EML2: variants seen among roughly 807,000 people sequenced by gnomAD.
EML2 encodes the protein EMAP like 2.
In EML2, 59 loss-of-function variants were observed where a neutral mutation model predicts 84.7. That is an observed-to-expected ratio of 0.70 (90% CI 0.56 to 0.86). EML2 has a LOEUF of 0.86. Among genes scored for constraint, EML2 ranks in the 40% least tolerant of loss-of-function variants. The probability of loss-of-function intolerance (pLI) is 0.00; values close to 1 mark genes in which losing one functional copy is unlikely to be tolerated. For synonymous variants in EML2, 352 were observed against 348.9 expected (o/e 1.01, Z -0.10); for missense variants, 818 against 855.6 (o/e 0.96, Z 0.55).
intron 1 of EML2, chr19:45,639,126 G>A (rs1405513201): frequency 4.5e-6 from 3 of 670,488 alleles, no homozygotes; most frequent in Non-Finnish European, 7.9e-6. Context: ...GATCCTGGAA[G>A]AAGGGAGTCA....
intron 3 of EML2, among the ~76,000 whole-genome samples, chr19:45,637,474 T>A (rs954997753): frequency 7.0e-6 from 1 of 142,108 alleles, no homozygotes; most frequent in African/African-American, 2.6e-5. Flanking sequence ...TTTTGGATTT[T>A]TTTTTTTTTT....
At chr19:45,635,489 A>C (rs1440203898) in intron 3 of EML2, among the ~76,000 whole-genome samples, 1 of 151,600 alleles carries the variant, frequency 6.6e-6, no homozygotes, top group Non-Finnish European at 1.5e-5. Context: ...AGACTCAACA[A>C]GGTCATTGGA....
At chr19:45,615,374 C>T (rs1970915603) in intron 16 of EML2, among the ~76,000 whole-genome samples, 1 of 149,368 alleles carries the variant, frequency 6.7e-6, no homozygotes, top group East Asian at 2.0e-4. Flanking sequence ...AAATATTAGC[C>T]GGGCATGGTG....
intron 15 of EML2, chr19:45,616,169 T>C: frequency 1.9e-6 from 1 of 513,102 alleles, no homozygotes; most frequent in Non-Finnish European, 3.5e-6. Flanking sequence ...TGGCTTTGAA[T>C]GTTGAGGGGC....
At chr19:45,616,040 T>C in intron 15 of EML2, 151 bp from the exon 16 acceptor site, 2 of 655,244 alleles carry the variant, frequency 3.1e-6, no homozygotes, top group Non-Finnish European at 2.8e-6. Context: ...CTTTGGAGTA[T>C]GGGGGCAGGG....
At chr19:45,634,770 C>A (rs548907650) in intron 3 of EML2, among the ~76,000 whole-genome samples, 1 of 151,872 alleles carries the variant, frequency 6.6e-6, no homozygotes, top group Non-Finnish European at 1.5e-5. Flanking sequence ...ACCATGTTAG[C>A]CAGGATGGTC....
chr19:45,637,524 G>C (rs1181311323), intron 3 of EML2, among the ~76,000 whole-genome samples: 2 of 145,878 alleles, frequency 1.4e-5, no homozygotes, highest in Admixed American at 6.9e-5. Flanking sequence ...TGTCGCCCAG[G>C]CTGGAGTGCA....
intron 7 of EML2, among the ~76,000 whole-genome samples, chr19:45,628,296 T>C (rs1005848810): frequency 6.9e-6 from 1 of 144,104 alleles, no homozygotes; most frequent in African/African-American, 2.6e-5. Flanking sequence ...TGAACCCAGG[T>C]GGTGGAGGTT....
chr19:45,629,257 G>T (rs1972739813), intron 7 of EML2, among the ~76,000 whole-genome samples: 1 of 151,822 alleles, frequency 6.6e-6, no homozygotes, highest in Admixed American at 6.6e-5. Context: ...AGCCTCCGAA[G>T]TAGCTGGGAC....
At chr19:45,616,325 T>G (rs915089922) in intron 15 of EML2, 136 bp downstream of exon 15, 15 of 642,900 alleles carry the variant, frequency 2.3e-5, no homozygotes, top group African/African-American at 5.5e-5. Flanking sequence ...TGTGTGGACG[T>G]GGCCAAGACT....
upstream of EML2, chr19:45,642,227 G>A: frequency 6.5e-7 from 1 of 1,535,542 alleles, no homozygotes; most frequent in Non-Finnish European, 8.7e-7. Context: ...GCCCGCAGGC[G>A]ACGCAGAGCA....
At chr19:45,625,999 C>T (rs1239138463) in intron 8 of EML2, among the ~76,000 whole-genome samples, 3 of 152,158 alleles carry the variant, frequency 2.0e-5, no homozygotes, top group African/African-American at 7.2e-5. Flanking sequence ...ACGTCAGCCT[C>T]CCAGGTAGCT....
intron 7 of EML2, 111 bp from the exon 8 acceptor site, chr19:45,626,950 C>A: frequency 1.1e-6 from 1 of 927,958 alleles, no homozygotes; most frequent in Non-Finnish European, 1.5e-6. Context: ...TGCTGCACAC[C>A]TGAACTTTTC....
At chr19:45,614,958 G>A (rs1346429920) in intron 16 of EML2, 1 of 385,234 alleles carries the variant, frequency 2.6e-6, no homozygotes, top group Admixed American at 3.9e-5. Flanking sequence ...GAGGCAGCAT[G>A]AGCCACAGCA....
chr19:45,638,255 C>A (rs1306689568), intron 3 of EML2, among the ~76,000 whole-genome samples: 1 of 152,242 alleles, frequency 6.6e-6, no homozygotes, highest in Non-Finnish European at 1.5e-5. Flanking sequence ...GAACCCATCT[C>A]TGTCAGACTC....
In EML2 at chr19:45,621,559, G is replaced by A. The variant is rs374907508; in HGVS notation, c.920C>T (p.Thr307Met). 18 of 1,612,636 alleles carry A rather than the reference G, an allele frequency of 1.1e-5. No homozygotes were observed. The highest frequency in any genetic ancestry group is 6.7e-5 in the African/African-American group (5 of 74,884). ...ATCACGGCCCCCTCCAGACACCAGC[G>A]TCCCGTCCCGCAGGGCGCAGAGCCC... ...VFGLCALRDG[T>M]LVSGGGRDRR... Residue 307 changes from threonine to methionine, a missense_variant, in exon 10 of 19, where the codon ACG becomes ATG. By Grantham distance (81) the Thr-to-Met change is moderately conservative. Transcript: ENST00000245925.
chr19:45,641,770 G>C (rs949375129), upstream of EML2: 6 of 1,535,430 alleles, frequency 3.9e-6, no homozygotes, highest in East Asian at 1.5e-4. Context: ...CACACAGGTG[G>C]GGGCAGAGCC....
chr19:45,626,964 T>TC (rs1019831742), intron 7 of EML2, 125 bp from the exon 8 acceptor site: 19 of 861,224 alleles, frequency 2.2e-5, no homozygotes, highest in Admixed American at 6.9e-5. Context: ...ACTTTTCTTT[T>TC]TTTTTTTTTT....
intron 3 of EML2, among the ~76,000 whole-genome samples, chr19:45,635,072 A>G (rs138529553): frequency 0.01 from 1,584 of 151,542 alleles, 31 homozygotes; most frequent in African/African-American, 0.037. Flanking sequence ...GATGGTCTCA[A>G]TCTCCTGACC....
Sources: gnomAD v4.1 joint callset for allele counts (sites outside exome capture counted in the v4.1 genomes callset) on GRCh38, gnomAD v4.1.1 for gene constraint, MANE v1.5 for transcripts, NCBI Gene and HGNC (gene_info 2026-07-23, HGNC 2026-07-21) for gene names.